The following N4BP2L1 variants were observed in gnomAD, a reference collection of about 807,000 sequenced individuals.
N4BP2L1 encodes the protein NEDD4-binding protein 2-like 1.
N4BP2L1 carries 12 observed loss-of-function variants against 21.2 expected under a neutral mutation model. That is an observed-to-expected ratio of 0.57 (90% CI 0.36 to 0.92). N4BP2L1 has a LOEUF of 0.92. N4BP2L1 is among the 40% of genes least tolerant of loss of function. N4BP2L1 has a pLI of 0.01. For missense variants in N4BP2L1, 259 were observed against 310.6 expected, an observed-to-expected ratio of 0.83 and a Z score of 1.25; for synonymous variants, 104 against 112.8, an observed-to-expected ratio of 0.92 and a Z score of 0.49.
At chr13:32,407,205 A>T in intron 3 of N4BP2L1, 45 bp downstream of exon 3, 1 of 1,576,750 alleles carries the variant, frequency 6.3e-7, no homozygotes, top group Non-Finnish European at 8.7e-7. Flanking sequence ...CAACTTTCTC[A>T]CAAAATGTCC....
chr13:32,427,083 G>A (rs1348884311), intron 1 of N4BP2L1, among the ~76,000 whole-genome samples: 2 of 152,164 alleles, frequency 1.3e-5, no homozygotes, highest in African/African-American at 2.4e-5. Context: ...GGAGCGGTGG[G>A]GCCTAGCAAG....
intron 1 of N4BP2L1, chr13:32,416,395 G>A (rs533233166): frequency 6.6e-6 from 1 of 152,316 alleles, no homozygotes; most frequent in East Asian, 1.9e-4. Context: ...TGCTGTGCTT[G>A]AGCGCTATAA....
rs1022160178 is a variant in N4BP2L1 at position 32,412,531 on chromosome 13, G to T, written c.180-4759C>A. Among the ~76,000 whole-genome samples the T allele has an allele frequency of 1.3e-5, 2 of 151,628 alleles. 1 individual carries two copies. The highest frequency in any genetic ancestry group is 4.2e-4 in the South Asian group (2 of 4,806). On this transcript the variant is annotated intron_variant, in intron 1 of 4. Transcript: ENST00000380130. ...AATCCCAGCTACTCAGGAGGCTGAG[G>T]CATGAGAATCACTTGAACCCAGGAG...
chr13:32,403,391 A>G (rs928849125), intron 4 of N4BP2L1, among the ~76,000 whole-genome samples, 191 bp from the exon 5 acceptor site: 1 of 151,996 alleles, frequency 6.6e-6, no homozygotes, highest in Admixed American at 6.6e-5. Flanking sequence ...TGCCCTGCAC[A>G]CCCCCAAACC....
At chr13:32,427,333 T>C (rs1296253432) in intron 1 of N4BP2L1, among the ~76,000 whole-genome samples, 3 of 152,178 alleles carry the variant, frequency 2.0e-5, no homozygotes, top group Non-Finnish European at 2.9e-5. Flanking sequence ...CCCGGGCCAC[T>C]GCCACGGCCG....
At chr13:32,403,880 C>A in intron 4 of N4BP2L1, 1 of 462,186 alleles carries the variant, frequency 2.2e-6, no homozygotes, top group South Asian at 1.9e-5. Context: ...CCCATGCATT[C>A]AATCAACAAG....
rs2073099739 is a variant in N4BP2L1 at position 32,400,948 on chromosome 13, A to G, written c.*1994T>C. 1 of 152,194 alleles carries G rather than the reference A, an allele frequency of 6.6e-6. No homozygotes were observed. The highest frequency in any genetic ancestry group is 1.5e-5 in the Non-Finnish European group (1 of 68,040). The allele number at this position is 152,194 out of a possible 1,614,324, so 9.4% of individuals were successfully genotyped here. On this transcript the variant is annotated 3_prime_UTR_variant, in exon 5 of 5. Coordinates refer to ENST00000380130, the MANE Select transcript of N4BP2L1 (RefSeq NM_052818.3). Reference sequence around the variant, plus strand: ...TTTAATCAATTTTTATGGTTTACAAACCAAATATTTCAGGGGTCAGCTAGG... The same window carrying G: ...TTTAATCAATTTTTATGGTTTACAAGCCAAATATTTCAGGGGTCAGCTAGG...
rs201984470 is a variant in N4BP2L1 at position 32,413,363 on chromosome 13, T to C, written c.180-5591A>G. On this transcript the variant is annotated intron_variant, in intron 1 of 4. Coordinates refer to ENST00000380130, the MANE Select transcript of N4BP2L1 (RefSeq NM_052818.3). ...ATCTAGAACTGTCCTCATGCTGTTT[T>C]GGTTTCTCTAGTTGGTATGAGAATG... Among the ~76,000 whole-genome samples the C allele has an allele frequency of 2.6e-5, 4 of 152,254 alleles. No individual in the cohort carries two copies. In the East Asian group the frequency reaches 7.7e-4, roughly 29 times the overall value.
intron 4 of N4BP2L1, chr13:32,403,870 C>A: frequency 2.2e-6 from 1 of 455,080 alleles, no homozygotes; most frequent in South Asian, 1.9e-5. Context: ...AATATCTGAA[C>A]CCATGCATTC....
Position 32,401,174 on chromosome 13 carries a change from C to T in N4BP2L1, c.*1768G>A, listed in dbSNP as rs1296890908. 1.3e-5 allele frequency: 2 copies of T among 152,090 alleles called. No individual in the cohort carries two copies. The highest frequency in any genetic ancestry group is 6.6e-5 in the Admixed American group (1 of 15,260). The allele number at this position is 152,090 out of a possible 1,614,324, so 9.4% of individuals were successfully genotyped here. A position where few individuals can be genotyped will look rare whatever the true frequency, so the allele number is the denominator to read the frequency against. On this transcript the variant is annotated 3_prime_UTR_variant, in exon 5 of 5. Coordinates refer to ENST00000380130, the MANE Select transcript of N4BP2L1 (RefSeq NM_052818.3). Reference sequence around the variant, plus strand: ...TGTGAAATCAAAGGATGGTAATTTCCACTTTGAGCTCTCTGACATTTCTCC... The same window carrying T: ...TGTGAAATCAAAGGATGGTAATTTCTACTTTGAGCTCTCTGACATTTCTCC...
At chr13:32,407,824 T>C (rs1412703298) in intron 1 of N4BP2L1, 52 bp from the exon 2 acceptor site, 2 of 1,507,560 alleles carry the variant, frequency 1.3e-6, no homozygotes, top group Admixed American at 4.5e-5. Context: ...ATGTATAGTC[T>C]CAGTAGAAAT....
Position 32,420,077 on chromosome 13 carries a change from A to G in N4BP2L1, c.179+7827T>C, listed in dbSNP as rs146634373. The stretch of plus-strand genomic sequence containing the variant: ...TCACTGCTAGCCTCAAGTGTCCCCA[A>G]GCCACAGTGGCTAGGGGGACTCAGG... On this transcript the variant is annotated intron_variant, in intron 1 of 4. Coordinates refer to ENST00000380130, the MANE Select transcript of N4BP2L1 (RefSeq NM_052818.3). Among the ~76,000 whole-genome samples the G allele has an allele frequency of 2.1e-3, 318 of 152,314 alleles. 2 individuals are homozygous for G. Among genetic ancestry groups the G allele is most frequent in the African/African-American group, 7.0e-3 (292 of 41,578 alleles).
Position 32,402,481 on chromosome 13 carries a change from A to G in N4BP2L1, c.*461T>C. On this transcript the variant is annotated 3_prime_UTR_variant, in exon 5 of 5. Transcript: ENST00000380130. ...ACATCTCACATTTTTAGATACATAG[A>G]TTATCAAAGTAGCAATGGCACTTTG... 5.1e-6 allele frequency: 5 copies of G among 976,710 alleles called. No individual in the cohort carries two copies. Among genetic ancestry groups the G allele is most frequent in the Non-Finnish European group, 6.1e-6 (5 of 823,262 alleles). The allele number at this position is 976,710 out of a possible 1,614,324, so 60.5% of individuals were successfully genotyped here. A position where few individuals can be genotyped will look rare whatever the true frequency, so the allele number is the denominator to read the frequency against.
Position 32,402,302 on chromosome 13 carries a change from A to G in N4BP2L1, c.*640T>C. 1 of 576,794 alleles carries G rather than the reference A, an allele frequency of 1.7e-6. No individual in the cohort carries two copies. The highest frequency in any genetic ancestry group is 7.4e-5 in the South Asian group (1 of 13,440). 35.7% of individuals were successfully genotyped at this position (576,794 alleles called of 1,614,324 possible). A position where few individuals can be genotyped will look rare whatever the true frequency, so the allele number is the denominator to read the frequency against. ...ACTGATTTCCCTCAGTAGCTCCTGT[A>G]GCTATTAAGGATTTGACAGCATTTT... On this transcript the variant is annotated 3_prime_UTR_variant, in exon 5 of 5. Coordinates refer to ENST00000380130, the MANE Select transcript of N4BP2L1 (RefSeq NM_052818.3).
At chr13:32,419,322 T>C in intron 1 of N4BP2L1, 1 of 400,172 alleles carries the variant, frequency 2.5e-6, no homozygotes. Context: ...CTAAGCTCAC[T>C]GCAACCTACA....
At chr13:32,407,361 A>C in intron 2 of N4BP2L1, 23 bp from the exon 3 acceptor site, 1 of 1,614,164 alleles carries the variant, frequency 6.2e-7, no homozygotes, top group African/African-American at 1.3e-5. Context: ...GTTACATAAC[A>C]GTGAACAACA....
At chr13:32,407,539 G>C (rs1251631164) in intron 2 of N4BP2L1, 106 bp downstream of exon 2, 2 of 1,599,246 alleles carry the variant, frequency 1.3e-6, no homozygotes, top group Admixed American at 1.7e-5. Context: ...GGAAAAATTG[G>C]CAGAACTTTC....
intron 1 of N4BP2L1, among the ~76,000 whole-genome samples, chr13:32,427,543 C>G (rs1280730078): frequency 2.6e-5 from 4 of 152,156 alleles, no homozygotes. Context: ...CCCGGCTGGC[C>G]CCAGGCGGGG....
At chr13:32,403,465 T>G (rs551699389) in intron 4 of N4BP2L1, among the ~76,000 whole-genome samples, 1 of 152,300 alleles carries the variant, frequency 6.6e-6, no homozygotes, top group East Asian at 1.9e-4. Context: ...CTCAATTACG[T>G]GCTTCAAGAC....
Sources: allele counts gnomAD v4.1 joint callset (sites outside exome capture counted in the v4.1 genomes callset), GRCh38; gene constraint gnomAD v4.1.1; transcripts MANE v1.5; gene names NCBI Gene and HGNC (gene_info 2026-07-23, HGNC 2026-07-21).